Variants in DBNL observed in about 807,000 individuals in gnomAD.
The protein encoded by DBNL is drebrin-like protein.
Under a neutral mutation model 62.2 loss-of-function variants are expected in DBNL, and 35 were observed. The observed-to-expected ratio is 0.56, with a 90% confidence interval of 0.43 to 0.75. The LOEUF is 0.75. Among genes scored for constraint, DBNL ranks in the 30% least tolerant of loss-of-function variants. The pLI is 0.00. For synonymous variants in DBNL, 197 were observed against 218.0 expected (o/e 0.90, Z 0.85); for missense variants, 495 against 578.4 (o/e 0.86, Z 1.48).
At position 44,065,004 on chromosome 7, in the gene DBNL, C is replaced by A. The variant is rs756887283; in HGVS notation, c.*4088C>A. 1.2e-6 allele frequency: 2 copies of A among 1,606,414 alleles called. No homozygotes were observed. Among genetic ancestry groups the A allele is most frequent in the Non-Finnish European group, 8.5e-7 (1 of 1,179,582 alleles). ...GTTCCCCGGGCTTCAGGCCTGCGTACCGACGCTCCTGGGGGACACAGGCAC... is the reference window on the plus strand; with the variant it reads ...GTTCCCCGGGCTTCAGGCCTGCGTAACGACGCTCCTGGGGGACACAGGCAC... On this transcript the variant is annotated 3_prime_UTR_variant, in exon 13 of 13. Coordinates refer to ENST00000448521, the MANE Select transcript of DBNL (RefSeq NM_001014436.3).
At chr7:44,055,363 G>A (rs187514207) in intron 4 of DBNL, among the ~76,000 whole-genome samples, 1 of 152,174 alleles carries the variant, frequency 6.6e-6, no homozygotes, top group African/African-American at 2.4e-5. Flanking sequence ...AGCTACTCAG[G>A]AAGCTGAGGC....
chr7:44,060,999 C>T lies in DBNL; in HGVS notation c.*83C>T. 9.2e-6 allele frequency: 14 copies of T among 1,526,392 alleles called. No homozygotes were observed. The highest frequency in any genetic ancestry group is 1.2e-5 in the South Asian group (1 of 80,112). The allele number at this position is 1,526,392 out of a possible 1,614,324, so 94.6% of individuals were successfully genotyped here. On this transcript the variant is annotated 3_prime_UTR_variant, in exon 13 of 13. Coordinates refer to ENST00000448521, the MANE Select transcript of DBNL (RefSeq NM_001014436.3). This position sits in a 1 kb window ranked among gnomAD's most constrained non-coding sequence, Gnocchi z 6.3. ...AGGAGGCCTGGGAGTTGACATTCAG[C>T]ACTCTTCCAGGAATAGGACCCCCAG...
At position 44,059,637 on chromosome 7, in the gene DBNL, C is replaced by G. The variant is rs1192557454; in HGVS notation, c.1026C>G (p.Thr342=). ...ATGAGGAACCTCCAGAGCAGGAGAC[C>G]TTCTACGAGCAGCCCCCACTGGTGG... ...AVYEEPPEQE[T]FYEQPPLVQQ... is the part of the protein sequence containing the mutation. The change falls in exon 11 of 13, where the codon ACC becomes ACG. Residue 342 remains threonine (T), a synonymous_variant. Transcript: ENST00000448521. This position sits in a 1 kb window ranked among gnomAD's most constrained non-coding sequence, Gnocchi z 4.1. 1 of 1,606,450 alleles carries G rather than the reference C, an allele frequency of 6.2e-7. No homozygotes were observed. Among genetic ancestry groups the G allele is most frequent in the Admixed American group, 1.7e-5 (1 of 59,916 alleles).
intron 4 of DBNL, among the ~76,000 whole-genome samples, chr7:44,054,634 T>C (rs2096132761): frequency 6.6e-6 from 1 of 152,272 alleles, no homozygotes; most frequent in Non-Finnish European, 1.5e-5. Context: ...TTCTTTGTGT[T>C]GGGAACATTA....
At position 44,064,700 on chromosome 7, in the gene DBNL, C is replaced by A; in HGVS notation, c.*3784C>A. 5 of 828,554 alleles carry A rather than the reference C, an allele frequency of 6.0e-6. No individual in the cohort carries two copies. The highest frequency in any genetic ancestry group is 7.7e-6 in the Non-Finnish European group (4 of 517,166). The allele number at this position is 828,554 out of a possible 1,614,324, so 51.3% of individuals were successfully genotyped here. ...AACTAAAAAATGGCTTCTCAGCCCT[C>A]CTTTTTCAGTGAATGATGTGGAGCC... On this transcript the variant is annotated 3_prime_UTR_variant, in exon 13 of 13. Transcript: ENST00000448521.
chr7:44,047,406 A>T (rs931261777), intron 1 of DBNL, among the ~76,000 whole-genome samples: 6 of 152,176 alleles, frequency 3.9e-5, no homozygotes, highest in Non-Finnish European at 8.8e-5. Flanking sequence ...GGGCAGATAG[A>T]GTGGGGAGCA....
rs1415991043 is a variant in DBNL at position 44,052,958 on chromosome 7, C to T, written c.327+17C>T. ...TTCCTGAAGGTAAGGCCAGGTGAGG[C>T]CCGCTTCACTGGGAACAGGCCTCAC... On this transcript the variant is annotated intron_variant, in intron 4 of 12. Transcript: ENST00000448521. The T allele has an allele frequency of 6.2e-7, 1 of 1,608,962 alleles. No individual in the cohort carries two copies. The highest frequency in any genetic ancestry group is 1.1e-5 in the South Asian group (1 of 90,508).
Position 44,044,812 on chromosome 7 carries a change from G to T in DBNL, c.75G>T (p.Pro25=). The change falls in exon 1 of 13, where the codon CCG becomes CCT. Residue 25 remains proline (P), a synonymous_variant. Coordinates refer to ENST00000448521, the MANE Select transcript of DBNL (RefSeq NM_001014436.3). ...AYVRVVTEKS[P]TDWALFTYEG... Reference sequence around the variant, plus strand: ...TGCGGGTGGTCACCGAGAAGTCCCCGACCGACTGGTGGGCGGCGAGACGGG... The same window carrying T: ...TGCGGGTGGTCACCGAGAAGTCCCCTACCGACTGGTGGGCGGCGAGACGGG... 6.7e-7 allele frequency: 1 copy of T among 1,482,956 alleles called. No individual in the cohort carries two copies. The allele number at this position is 1,482,956 out of a possible 1,614,324, so 91.9% of individuals were successfully genotyped here. A position where few individuals can be genotyped will look rare whatever the true frequency, so the allele number is the denominator to read the frequency against.
At chr7:44,051,632 C>G (rs1287106977) in intron 2 of DBNL, 198 bp from the exon 3 acceptor site, 1 of 505,298 alleles carries the variant, frequency 2.0e-6, no homozygotes, top group East Asian at 3.3e-5. Context: ...ACTTCTAGGT[C>G]CCACCCAGCT....
At chr7:44,045,758 C>T (rs972185035) in intron 1 of DBNL, among the ~76,000 whole-genome samples, 5 of 152,344 alleles carry the variant, frequency 3.3e-5, no homozygotes. Context: ...CAGCACAGAG[C>T]GGCTTTTATG....
At position 44,063,270 on chromosome 7, in the gene DBNL, TTTTTTCTTTTC is replaced by T. The variant is rs2096152542; in HGVS notation, c.*2365_*2375del. ...AAGGGACACTCACCCTTTGTTTTTT[TTTTTTCTTTTC>T]TTTTTCTTTTTCTTTTTTTTGAGAT... On this transcript the variant is annotated 3_prime_UTR_variant, in exon 13 of 13. Coordinates refer to ENST00000448521, the MANE Select transcript of DBNL (RefSeq NM_001014436.3). The T allele has an allele frequency of 8.9e-6, 3 of 336,892 alleles. No homozygotes were observed. Among genetic ancestry groups the T allele is most frequent in the Admixed American group, 4.5e-5 (1 of 22,092 alleles). The allele number at this position is 336,892 out of a possible 1,614,324, so 20.9% of individuals were successfully genotyped here. A position where few individuals can be genotyped will look rare whatever the true frequency, so the allele number is the denominator to read the frequency against.
Position 44,062,655 on chromosome 7 carries a change from C to T in DBNL, c.*1739C>T, listed in dbSNP as rs1015056397. 34 of 1,220,024 alleles carry T rather than the reference C, an allele frequency of 2.8e-5. No homozygotes were observed. Among genetic ancestry groups the T allele is most frequent in the Middle Eastern group, 2.7e-4 (1 of 3,752 alleles). 75.6% of individuals were successfully genotyped at this position (1,220,024 alleles called of 1,614,324 possible). A position where few individuals can be genotyped will look rare whatever the true frequency, so the allele number is the denominator to read the frequency against. ...GAGTGGGGGAGGGTGGGTGGCTGCA[C>T]CCCTGGTTCTGGAGTCCCCACAGCT... On this transcript the variant is annotated 3_prime_UTR_variant, in exon 13 of 13. Transcript: ENST00000448521.
chr7:44,056,804 T>C lies in DBNL; in HGVS notation c.375T>C (p.Pro125=), dbSNP rs762179263. The change falls in exon 5 of 13, where the codon CCT becomes CCC. Residue 125 remains proline (P), a synonymous_variant. Coordinates refer to ENST00000448521, the MANE Select transcript of DBNL (RefSeq NM_001014436.3). ...CACGGGCCGAGGAGGATGTGGAGCC[T>C]GAGTGCATCATGGAGAAGGTGGCCA... ...INARAEEDVE[P]ECIMEKVAKA... The C allele has an allele frequency of 1.9e-6, 3 of 1,613,948 alleles. No homozygotes were observed. The African/African-American group carries it at 4.0e-5, about 22-fold the overall frequency.
At position 44,059,727 on chromosome 7, in the gene DBNL, C is replaced by A; in HGVS notation, c.1047+69C>A. 7.0e-7 allele frequency: 1 copy of A among 1,421,084 alleles called. No individual in the cohort carries two copies. The highest frequency in any genetic ancestry group is 2.5e-5 in the East Asian group (1 of 40,480). 88.0% of individuals were successfully genotyped at this position (1,421,084 alleles called of 1,614,324 possible). Reference sequence around the variant, plus strand: ...CTCAGGAACACTTATCACGGGCCGCCTGAGTTTTCTGGGGGCATGCAACAG... The same window carrying A: ...CTCAGGAACACTTATCACGGGCCGCATGAGTTTTCTGGGGGCATGCAACAG... On this transcript the variant is annotated intron_variant, in intron 11 of 12. Coordinates refer to ENST00000448521, the MANE Select transcript of DBNL (RefSeq NM_001014436.3). The surrounding 1 kb of genome is among the most constrained non-coding windows in gnomAD (Gnocchi z 4.1).
At chr7:44,056,633 C>T (rs2096136859) in intron 4 of DBNL, 124 bp from the exon 5 acceptor site, 13 of 1,356,916 alleles carry the variant, frequency 9.6e-6, no homozygotes, top group Non-Finnish European at 1.2e-5. Context: ...AGACAGGTGC[C>T]TTCTAGTTTC....
At position 44,065,397 on chromosome 7, in the gene DBNL, T is replaced by C. The variant is rs2096157913; in HGVS notation, c.*4481T>C. 1.2e-6 allele frequency: 2 copies of C among 1,614,008 alleles called. No individual in the cohort carries two copies. The highest frequency in any genetic ancestry group is 2.7e-5 in the African/African-American group (2 of 74,948). The stretch of plus-strand genomic sequence containing the variant: ...TCAAACTCCATCTTGGCATCCTTGA[T>C]GGCCTTGGCTCCCCGCTTGGCCTCC... On this transcript the variant is annotated 3_prime_UTR_variant, in exon 13 of 13. Coordinates refer to ENST00000448521, the MANE Select transcript of DBNL (RefSeq NM_001014436.3).
chr7:44,068,450 C>G lies in DBNL; in HGVS notation c.*7534C>G, dbSNP rs1175782909. 6.6e-6 allele frequency: 1 copy of G among 152,052 alleles called. No homozygotes were observed. The highest frequency in any genetic ancestry group is 1.5e-5 in the Non-Finnish European group (1 of 68,000). The allele number at this position is 152,052 out of a possible 1,614,324, so 9.4% of individuals were successfully genotyped here. A position where few individuals can be genotyped will look rare whatever the true frequency, so the allele number is the denominator to read the frequency against. ...CAGACTGACCGGTGTAGATACAGGACTAATATGACTAGTAGTGCAAACACT... is the reference window on the plus strand; with the variant it reads ...CAGACTGACCGGTGTAGATACAGGAGTAATATGACTAGTAGTGCAAACACT... On this transcript the variant is annotated 3_prime_UTR_variant, in exon 13 of 13. Transcript: ENST00000448521.
chr7:44,051,695 C>A (rs553919105), intron 2 of DBNL, 135 bp from the exon 3 acceptor site: 4 of 718,330 alleles, frequency 5.6e-6, no homozygotes, highest in South Asian at 1.8e-5. Context: ...TTTAAACATA[C>A]CCCTAGAAAG....
intron 4 of DBNL, among the ~76,000 whole-genome samples, chr7:44,054,605 C>T (rs1011112096): frequency 1.3e-5 from 2 of 152,192 alleles, no homozygotes; most frequent in African/African-American, 4.8e-5. Context: ...GCATGTTCAT[C>T]ACCTCAAACA....
Sources: gnomAD v4.1 joint callset for allele counts (sites outside exome capture counted in the v4.1 genomes callset) on GRCh38, gnomAD v4.1.1 for gene constraint, Gnocchi (gnomAD v3.1) non-coding constraint, MANE v1.5 for transcripts, NCBI Gene and HGNC (gene_info 2026-07-23, HGNC 2026-07-21) for gene names.